The following ARHGEF26 variants were observed in gnomAD, a reference collection of about 807,000 sequenced individuals.
The protein encoded by ARHGEF26 is Rho guanine nucleotide exchange factor 26.
In ARHGEF26, 59 loss-of-function variants were observed where a neutral mutation model predicts 89.4. That is an observed-to-expected ratio of 0.66 (90% CI 0.54 to 0.82). ARHGEF26 has a LOEUF of 0.82. ARHGEF26 is among the 40% of genes least tolerant of loss of function. The pLI is 0.00. For synonymous variants in ARHGEF26, 500 were observed against 428.4 expected, an observed-to-expected ratio of 1.17 and a Z score of -2.06; for missense variants, 1,234 against 1,085.6, an observed-to-expected ratio of 1.14 and a Z score of -1.92.
At chr3:154,181,389 C>T (rs556138880) in intron 6 of ARHGEF26, among the ~76,000 whole-genome samples, 2 of 152,244 alleles carry the variant, frequency 1.3e-5, no homozygotes, top group African/African-American at 4.8e-5. Flanking sequence ...ATACTGCAGC[C>T]ATTTAGATTG....
intron 4 of ARHGEF26, among the ~76,000 whole-genome samples, chr3:154,145,059 T>C (rs140982620): frequency 6.6e-6 from 1 of 152,332 alleles, no homozygotes; most frequent in East Asian, 1.9e-4. Context: ...TTGAAATTTG[T>C]GTTCTGTGGC....
intron 6 of ARHGEF26, 32 bp from the exon 7 acceptor site, chr3:154,187,653 G>A (rs1202256131): frequency 2.6e-6 from 4 of 1,559,962 alleles, no homozygotes; most frequent in Admixed American, 3.8e-5. Context: ...TATGAAAGAA[G>A]TGTTAATTTT....
At chr3:154,242,683 T>C (rs962869567) in intron 12 of ARHGEF26, among the ~76,000 whole-genome samples, 1 of 152,108 alleles carries the variant, frequency 6.6e-6, no homozygotes, top group African/African-American at 2.4e-5. Flanking sequence ...TAAAATACTA[T>C]CAAACAGCAT....
chr3:154,178,187 G>A lies in ARHGEF26; in HGVS notation c.1488-9498G>A, dbSNP rs540211253. 2.0e-5 allele frequency among the ~76,000 whole-genome samples: 3 copies of A among 152,252 alleles called. No homozygotes were observed. In the East Asian group the frequency reaches 5.8e-4, roughly 29 times the overall value. ...CCACTGCACTCCAGCCTGGTTGATA[G>A]AGTGAGACTCCATCTTAAAAAACAA... On this transcript the variant is annotated intron_variant, in intron 6 of 14. Coordinates refer to ENST00000465093, the MANE Select transcript of ARHGEF26 (RefSeq NM_015595.4).
rs1383706640 is a variant in ARHGEF26, at chr3:154,216,511, T to A, written c.1846-1358T>A. 3.9e-3 allele frequency among the ~76,000 whole-genome samples: 564 copies of A among 144,462 alleles called. 9 individuals carry two copies. The highest frequency in any genetic ancestry group is 0.012 in the African/African-American group (449 of 37,316). 94.8% of individuals were successfully genotyped at this position (144,462 alleles called of 152,430 possible). On this transcript the variant is annotated intron_variant, in intron 9 of 14. Coordinates refer to ENST00000465093, the MANE Select transcript of ARHGEF26 (RefSeq NM_015595.4). ...TTTTTTATTTTTTTTTATTTTTTAT[T>A]TTTTTTTTATGTCTATACAAAATAT...
intron 12 of ARHGEF26, 59 bp from the exon 13 acceptor site, chr3:154,253,057 C>CA: frequency 6.3e-7 from 1 of 1,594,090 alleles, no homozygotes; most frequent in Non-Finnish European, 8.6e-7. Flanking sequence ...GCCTAGAAAA[C>CA]ACTCCATTCT....
intron 10 of ARHGEF26, among the ~76,000 whole-genome samples, chr3:154,219,247 C>G (rs1468359470): frequency 1.3e-5 from 2 of 152,046 alleles, no homozygotes; most frequent in Non-Finnish European, 1.5e-5. Flanking sequence ...ATTCCCTAAC[C>G]ATTTTTCTTT....
chr3:154,127,441 C>G (rs1718399207), intron 3 of ARHGEF26, among the ~76,000 whole-genome samples: 1 of 152,034 alleles, frequency 6.6e-6, no homozygotes, highest in Non-Finnish European at 1.5e-5. Context: ...TAGGCCTGCA[C>G]AGGGTCAGAA....
chr3:154,122,559 G>T lies in ARHGEF26; in HGVS notation c.567G>T (p.Ser189=), dbSNP rs769833759. 9.3e-6 allele frequency: 15 copies of T among 1,613,452 alleles called. No individual in the cohort carries two copies. The highest frequency in any genetic ancestry group is 1.6e-4 in the Middle Eastern group (1 of 6,082). ...AANNDSPGSG[S]QSGRKAKDPE... ...ATAACGACTCTCCTGGGTCAGGTTC[G>T]CAGTCCGGCCGGAAGGCAAAGGACC... The change falls in exon 2 of 15, where the codon TCG becomes TCT. Residue 189 remains serine, a synonymous_variant. Coordinates refer to ENST00000465093, the MANE Select transcript of ARHGEF26 (RefSeq NM_015595.4).
At chr3:154,228,983 G>GC (rs1176787479) in intron 11 of ARHGEF26, among the ~76,000 whole-genome samples, 1 of 152,140 alleles carries the variant, frequency 6.6e-6, no homozygotes, top group Non-Finnish European at 1.5e-5. Context: ...GAGAAAAGCT[G>GC]CTCGGGAGGA....
intron 9 of ARHGEF26, 35 bp downstream of exon 9, chr3:154,194,753 G>A (rs1330067593): frequency 6.4e-7 from 1 of 1,564,936 alleles, no homozygotes; most frequent in Admixed American, 1.7e-5. Flanking sequence ...TGTAAGACAG[G>A]AAACCATTCA....
At chr3:154,235,840 G>A (rs1427146838) in intron 11 of ARHGEF26, among the ~76,000 whole-genome samples, 1 of 152,090 alleles carries the variant, frequency 6.6e-6, no homozygotes, top group Non-Finnish European at 1.5e-5. Flanking sequence ...CAGAGTACCT[G>A]CTCCGCTGAA....
At chr3:154,149,216 ATATT>A (rs1296123200) in intron 4 of ARHGEF26, among the ~76,000 whole-genome samples, 169 bp from the exon 5 acceptor site, 3 of 127,196 alleles carry the variant, frequency 2.4e-5, no homozygotes, top group Non-Finnish European at 4.9e-5. Flanking sequence ...CACACTATAA[ATATT>A]TATTAAATAA....
intron 2 of ARHGEF26, 144 bp downstream of exon 2, chr3:154,123,219 A>C: frequency 7.9e-7 from 1 of 1,261,404 alleles, no homozygotes; most frequent in Non-Finnish European, 1.1e-6. Flanking sequence ...GTGTACATCC[A>C]GCTCTTGGCC....
chr3:154,254,730 G>T lies in ARHGEF26; in HGVS notation c.2379G>T (p.Gln793His). The change falls in exon 14 of 15, where the codon CAG becomes CAT. Residue 793 changes from glutamine to histidine, a missense_variant. Coordinates refer to ENST00000465093, the MANE Select transcript of ARHGEF26 (RefSeq NM_015595.4). ...KPPADRTSLT[Q>H]VEIVRSFTAK... The stretch of plus-strand genomic sequence containing the variant: ...CTCTTTTGGCCTCAGCACTGACCCA[G>T]GTGGAAATCGTTAGGTCATTTACTG... 1.9e-6 allele frequency: 3 copies of T among 1,613,770 alleles called. No homozygotes were observed. The highest frequency in any genetic ancestry group is 2.5e-6 in the Non-Finnish European group (3 of 1,179,800).
intron 12 of ARHGEF26, among the ~76,000 whole-genome samples, chr3:154,250,432 T>C (rs762920878): frequency 2.6e-5 from 4 of 152,196 alleles, no homozygotes; most frequent in Non-Finnish European, 5.9e-5. Flanking sequence ...AGCTGCTCCT[T>C]TTAGTGATAG....
In ARHGEF26 at chr3:154,187,752, G is replaced by A; in HGVS notation, c.1555G>A (p.Glu519Lys). Reference protein sequence around the residue: ...IFIDDISDIVEKHTASTFDPY... With the variant: ...IFIDDISDIVKKHTASTFDPY... Reference sequence around the variant, plus strand: ...CATAGATGACATAAGTGACATTGTGGAAAAACACACAGCATCCACATTTGA... The same window carrying A: ...CATAGATGACATAAGTGACATTGTGAAAAAACACACAGCATCCACATTTGA... The change falls in exon 7 of 15, where the codon GAA (glutamate) becomes AAA (lysine). Residue 519 changes from glutamate (E) to lysine (K), a missense_variant. Physicochemically the swap from Glu to Lys is moderately conservative, Grantham distance 56 (BLOSUM62 1). Transcript: ENST00000465093. 6.2e-7 allele frequency: 1 copy of A among 1,611,812 alleles called. No homozygotes were observed. The highest frequency in any genetic ancestry group is 8.5e-7 in the Non-Finnish European group (1 of 1,178,814).
intron 3 of ARHGEF26, among the ~76,000 whole-genome samples, chr3:154,127,418 A>G (rs1718397989): frequency 6.6e-6 from 1 of 152,136 alleles, no homozygotes; most frequent in South Asian, 2.1e-4. Flanking sequence ...GAAACTAAAC[A>G]CATGCATTAG....
intron 3 of ARHGEF26, among the ~76,000 whole-genome samples, chr3:154,128,819 T>A (rs1442856088): frequency 6.6e-6 from 1 of 152,222 alleles, no homozygotes; most frequent in Admixed American, 6.5e-5. Context: ...TAAACTACCC[T>A]ACTTAACATC....
Sources: gnomAD v4.1 joint callset for allele counts (sites outside exome capture counted in the v4.1 genomes callset) on GRCh38, gnomAD v4.1.1 for gene constraint, MANE v1.5 for transcripts, NCBI Gene and HGNC (gene_info 2026-07-23, HGNC 2026-07-21) for gene names.